The following IPMK variants were observed in gnomAD, a reference collection of about 807,000 sequenced individuals.
IPMK encodes inositol 1,3,4,6-tetrakisphosphate 5-kinase.
In IPMK, 17 loss-of-function variants were observed where a neutral mutation model predicts 45.8. That is an observed-to-expected ratio of 0.37 (90% CI 0.25 to 0.56). IPMK has a LOEUF of 0.56. Ranked by LOEUF, IPMK falls within the 20% of genes least tolerant of loss-of-function variation. IPMK has a pLI of 0.79. For synonymous variants in IPMK, 180 were observed against 184.3 expected, an observed-to-expected ratio of 0.98 and a Z score of 0.19; for missense variants, 399 against 498.0, an observed-to-expected ratio of 0.80 and a Z score of 1.89.
In IPMK at chr10:58,195,277, T is replaced by C. The variant is rs1837874725; in HGVS notation, c.*799A>G. The C allele has an allele frequency of 6.6e-6, 1 of 152,100 alleles. No homozygotes were observed. The highest frequency in any genetic ancestry group is 1.5e-5 in the Non-Finnish European group (1 of 67,914). The allele number at this position is 152,100 out of a possible 1,614,324, so 9.4% of individuals were successfully genotyped here. On this transcript the variant is annotated 3_prime_UTR_variant, in exon 6 of 6. Coordinates refer to ENST00000373935, the MANE Select transcript of IPMK (RefSeq NM_152230.5). ...AGATACAAAGGTATATGGTTTATGA[T>C]ACTTTCACAATGTAATAAATTTATA...
chr10:58,264,867 A>G (rs1288479258), intron 1 of IPMK, among the ~76,000 whole-genome samples: 2 of 152,214 alleles, frequency 1.3e-5, no homozygotes, highest in East Asian at 1.9e-4. Flanking sequence ...GTATAAAAAA[A>G]CAGAACCGCG....
At chr10:58,204,415 T>C (rs1389640053) in intron 4 of IPMK, among the ~76,000 whole-genome samples, 1 of 152,202 alleles carries the variant, frequency 6.6e-6, no homozygotes, top group Non-Finnish European at 1.5e-5. Flanking sequence ...ATTTTGCGAC[T>C]TCTTTGCAGA....
intron 1 of IPMK, 132 bp downstream of exon 1, chr10:58,267,290 G>T: frequency 2.4e-6 from 2 of 820,652 alleles, no homozygotes; most frequent in Non-Finnish European, 3.9e-6. Context: ...GGGGACAGCG[G>T]AAGAGGCCAG....
intron 3 of IPMK, among the ~76,000 whole-genome samples, chr10:58,217,688 C>CAAAAAAAAAA (rs11393849): frequency 0.031 from 1,532 of 49,102 alleles, 200 homozygotes; most frequent in African/African-American, 0.088. Flanking sequence ...AACTCCATCT[C>CAAAAAAAAAA]AAAAAAAAAA....
chr10:58,249,588 C>T (rs1838853776), intron 1 of IPMK, among the ~76,000 whole-genome samples: 1 of 152,252 alleles, frequency 6.6e-6, no homozygotes, highest in East Asian at 1.9e-4. Context: ...GTTCTTTATA[C>T]ATTCTGCTTA....
At chr10:58,249,268 T>C (rs940484356) in intron 1 of IPMK, among the ~76,000 whole-genome samples, 13 of 152,200 alleles carry the variant, frequency 8.5e-5, no homozygotes, top group Non-Finnish European at 8.8e-5. Context: ...TAACACAGGC[T>C]GGACTGCAGC....
At chr10:58,234,425 C>T (rs775753641) in intron 2 of IPMK, among the ~76,000 whole-genome samples, 1 of 152,174 alleles carries the variant, frequency 6.6e-6, no homozygotes, top group Non-Finnish European at 1.5e-5. Flanking sequence ...TACTTCAAGG[C>T]TACAGTAACC....
rs966147316 is a variant in IPMK, at chr10:58,208,346, C to T, written c.546+7799G>A. On this transcript the variant is annotated intron_variant, in intron 4 of 5. Coordinates refer to ENST00000373935, the MANE Select transcript of IPMK (RefSeq NM_152230.5). The stretch of plus-strand genomic sequence containing the variant: ...ATATGGCAATTCAGAGATTTCATCT[C>T]GGTTTGGATCCATTGCTAGGGAGCT... Among the ~76,000 whole-genome samples, 6 of 152,136 alleles carry T rather than the reference C, an allele frequency of 3.9e-5. No individual in the cohort carries two copies. The East Asian group carries it at 1.2e-3, about 29-fold the overall frequency.
intron 2 of IPMK, among the ~76,000 whole-genome samples, chr10:58,232,518 T>C (rs1190396299): frequency 6.6e-6 from 1 of 152,174 alleles, no homozygotes; most frequent in Non-Finnish European, 1.5e-5. Context: ...AACTCAGGAT[T>C]AAGAAACTCA....
chr10:58,261,037 A>C (rs530102552), intron 1 of IPMK, among the ~76,000 whole-genome samples: 3 of 151,908 alleles, frequency 2.0e-5, no homozygotes, highest in Admixed American at 6.6e-5. Context: ...GAAGTAGGAT[A>C]AACAAGCCAA....
At chr10:58,205,029 T>C (rs1361830084) in intron 4 of IPMK, among the ~76,000 whole-genome samples, 2 of 152,190 alleles carry the variant, frequency 1.3e-5, no homozygotes, top group Admixed American at 6.5e-5. Flanking sequence ...GATATCCATA[T>C]GCAAAAGAAT....
At chr10:58,212,941 A>G (rs1469810658) in intron 4 of IPMK, 2 of 211,836 alleles carry the variant, frequency 9.4e-6, no homozygotes, top group Non-Finnish European at 2.1e-5. Flanking sequence ...ATTCCCCTCC[A>G]CCACCAGGCA....
At chr10:58,237,639 T>C in intron 2 of IPMK, 90 bp downstream of exon 2, 1 of 910,468 alleles carries the variant, frequency 1.1e-6, no homozygotes, top group South Asian at 1.3e-5. Flanking sequence ...ACAGTGACTA[T>C]GCTGTCAAAT....
At position 58,240,375 on chromosome 10, in the gene IPMK, G is replaced by GA. The variant is rs138914462; in HGVS notation, c.191-2562dup. Among the ~76,000 whole-genome samples, 772 of 148,188 alleles carry GA rather than the reference G, an allele frequency of 5.2e-3. 2 individuals are homozygous for GA. Among genetic ancestry groups the GA allele is most frequent in the Non-Finnish European group, 7.9e-3 (528 of 66,654 alleles). On this transcript the variant is annotated intron_variant, in intron 1 of 5. Transcript: ENST00000373935. ...GAAAATACAGAAAAGTATCTAAAAA[G>GA]AAAAAAAAAATGTATAGAGCATTAG...
intron 1 of IPMK, among the ~76,000 whole-genome samples, chr10:58,249,142 TAAC>T (rs1838846797): frequency 1.3e-5 from 2 of 152,366 alleles, no homozygotes; most frequent in South Asian, 4.1e-4. Flanking sequence ...TTTACATACC[TAAC>T]AACTGTGTAG....
intron 4 of IPMK, among the ~76,000 whole-genome samples, chr10:58,206,877 G>T (rs1208019987): frequency 6.6e-6 from 1 of 151,836 alleles, no homozygotes; most frequent in Non-Finnish European, 1.5e-5. Context: ...ATAGTATTTG[G>T]TTTTCCATTC....
intron 4 of IPMK, among the ~76,000 whole-genome samples, chr10:58,214,066 T>G (rs934663724): frequency 1.1e-4 from 17 of 152,330 alleles, no homozygotes; most frequent in African/African-American, 3.8e-4. Context: ...TGATGTTTTG[T>G]TTTTTAAAAA....
chr10:58,254,239 T>C (rs987372601), intron 1 of IPMK, among the ~76,000 whole-genome samples: 2 of 152,154 alleles, frequency 1.3e-5, no homozygotes, highest in East Asian at 3.8e-4. Flanking sequence ...TCTTTTCTTT[T>C]TGCTCCTCTG....
chr10:58,224,491 A>G (rs1236812765), intron 3 of IPMK, among the ~76,000 whole-genome samples: 2 of 152,232 alleles, frequency 1.3e-5, no homozygotes, highest in Non-Finnish European at 2.9e-5. Flanking sequence ...TGATGATTGT[A>G]TAATTCTGCG....
Sources: gnomAD v4.1 joint callset for allele counts (sites outside exome capture counted in the v4.1 genomes callset) on GRCh38, gnomAD v4.1.1 for gene constraint, MANE v1.5 for transcripts, NCBI Gene and HGNC (gene_info 2026-07-23, HGNC 2026-07-21) for gene names.